STARD13: variants seen among roughly 807,000 people sequenced by gnomAD.
STARD13 encodes StAR related lipid transfer domain containing 13, also known as stAR-related lipid transfer protein 13.
A neutral mutation model predicts 106.4 loss-of-function variants in STARD13; 62 were observed. The ratio of observed to expected loss-of-function variants is 0.58; its 90% CI spans 0.48 to 0.72. STARD13 has a LOEUF of 0.72. Ranked by LOEUF, STARD13 falls within the 30% of genes least tolerant of loss-of-function variation. The pLI, the probability that STARD13 is intolerant of heterozygous loss-of-function variation, is 0.00. For missense variants in STARD13, 1,387 were observed against 1,424.0 expected (o/e 0.97, Z 0.42); for synonymous variants, 565 against 553.0 (o/e 1.02, Z -0.31).
At chr13:33,652,413 G>A in the STARD13 span, among the ~76,000 whole-genome samples, 1 of 152,102 alleles carries the variant, frequency 6.6e-6, no homozygotes, top group Non-Finnish European at 1.5e-5. Flanking sequence ...AGTCACACAT[G>A]GACTTTAATA....
chr13:33,293,442 T>A (rs1025963677), intron 1 of STARD13, among the ~76,000 whole-genome samples: 1 of 152,200 alleles, frequency 6.6e-6, no homozygotes, highest in African/African-American at 2.4e-5. Flanking sequence ...TAGGCAATCA[T>A]TATAGGTATT....
intron 4 of STARD13, among the ~76,000 whole-genome samples, chr13:33,131,501 T>C (rs973293931): frequency 6.6e-6 from 1 of 151,746 alleles, no homozygotes; most frequent in Non-Finnish European, 1.5e-5. Context: ...ACAGGTGAAG[T>C]CATCAAGAGC....
the STARD13 span, among the ~76,000 whole-genome samples, chr13:33,460,557 G>A: frequency 6.7e-6 from 1 of 149,952 alleles, no homozygotes; most frequent in Non-Finnish European, 1.5e-5. Context: ...TTCCTCCTTT[G>A]TCTTGTACAT....
chr13:33,211,536 C>T (rs940989119), intron 1 of STARD13, among the ~76,000 whole-genome samples: 2 of 152,114 alleles, frequency 1.3e-5, no homozygotes, highest in South Asian at 4.1e-4. Context: ...TCCACAGATT[C>T]TCAAGTCCCT....
At chr13:33,173,928 C>G (rs1047165203) in intron 1 of STARD13, among the ~76,000 whole-genome samples, 1 of 152,316 alleles carries the variant, frequency 6.6e-6, no homozygotes, top group East Asian at 1.9e-4. Context: ...ATGTGGACTT[C>G]TTTCCCAAAC....
intron 1 of STARD13, among the ~76,000 whole-genome samples, chr13:33,325,623 T>G (rs1222170832): frequency 6.6e-6 from 1 of 151,974 alleles, no homozygotes; most frequent in Non-Finnish European, 1.5e-5. Context: ...AGTAAAAAAA[T>G]GCATACACTG....
chr13:33,638,513 A>C, the STARD13 span, among the ~76,000 whole-genome samples: 1 of 152,236 alleles, frequency 6.6e-6, no homozygotes, highest in Non-Finnish European at 1.5e-5. Context: ...AAATCAATAG[A>C]AAAGAGTGTC....
chr13:33,533,793 A>T, the STARD13 span, among the ~76,000 whole-genome samples: 1 of 152,200 alleles, frequency 6.6e-6, no homozygotes. Flanking sequence ...CACTCTGATC[A>T]TGACTGTGAG....
At chr13:33,185,890 A>G (rs1259683691) in intron 1 of STARD13, 1 of 1,614,156 alleles carries the variant, frequency 6.2e-7, no homozygotes, top group East Asian at 2.2e-5. Flanking sequence ...CGGCGCTGGA[A>G]TGTGTGGTTC....
the STARD13 span, among the ~76,000 whole-genome samples, chr13:33,382,052 C>T: frequency 2.0e-5 from 3 of 152,130 alleles, no homozygotes; most frequent in Admixed American, 6.6e-5. Flanking sequence ...TGGCTCCTAG[C>T]GCAAACGCAT....
At chr13:33,415,025 GAC>G in the STARD13 span, among the ~76,000 whole-genome samples, 1 of 151,994 alleles carries the variant, frequency 6.6e-6, no homozygotes, top group Non-Finnish European at 1.5e-5. Context: ...AGACACCTGC[GAC>G]ATATTTGTAT....
chr13:33,233,807 C>A (rs116387960), intron 1 of STARD13, among the ~76,000 whole-genome samples: 2,749 of 152,300 alleles, frequency 0.018, 85 homozygotes, highest in African/African-American at 0.064. Flanking sequence ...TTGCTGCATT[C>A]CCCTCAAGGT....
the STARD13 span, among the ~76,000 whole-genome samples, chr13:33,362,081 A>G: frequency 6.6e-6 from 1 of 152,230 alleles, no homozygotes; most frequent in Non-Finnish European, 1.5e-5. Context: ...TTGTGTCACT[A>G]TAAAGAAATA....
intron 1 of STARD13, among the ~76,000 whole-genome samples, chr13:33,200,324 T>C (rs567195974): frequency 1.1e-4 from 16 of 152,336 alleles, no homozygotes; most frequent in Admixed American, 4.6e-4. Context: ...AAATGACCTA[T>C]TCGTCCCTGT....
the STARD13 span, among the ~76,000 whole-genome samples, chr13:33,641,472 T>G: frequency 6.6e-6 from 1 of 152,206 alleles, no homozygotes; most frequent in Non-Finnish European, 1.5e-5. Flanking sequence ...GCTCTGGGAA[T>G]GAGAGTTCTG....
the STARD13 span, among the ~76,000 whole-genome samples, chr13:33,567,007 A>C: frequency 2.7e-5 from 4 of 148,222 alleles, 1 homozygote; most frequent in African/African-American, 9.9e-5. Context: ...AAGTCACAGC[A>C]TGCCCTTCTA....
chr13:33,204,751 G>C (rs963638622), intron 1 of STARD13, among the ~76,000 whole-genome samples: 22 of 152,324 alleles, frequency 1.4e-4, no homozygotes, highest in Admixed American at 7.8e-4. Context: ...TCTCCTCTCA[G>C]CTCTACCGGA....
chr13:33,629,888 C>CA, the STARD13 span, among the ~76,000 whole-genome samples: 3,741 of 152,122 alleles, frequency 0.025, 65 homozygotes, highest in Non-Finnish European at 0.037. Flanking sequence ...TCTAATGTGG[C>CA]AAAAATCTCA....
chr13:33,211,348 T>C (rs1253463316), intron 1 of STARD13, among the ~76,000 whole-genome samples: 3 of 152,136 alleles, frequency 2.0e-5, no homozygotes, highest in Non-Finnish European at 4.4e-5. Context: ...AAGCCTGTTT[T>C]TATTCCTAAC....
Sources: allele counts gnomAD v4.1 joint callset (sites outside exome capture counted in the v4.1 genomes callset), GRCh38; gene constraint gnomAD v4.1.1; transcripts MANE v1.5; gene names NCBI Gene and HGNC (gene_info 2026-07-23, HGNC 2026-07-21).